Variants in IRAK1BP1 observed in about 807,000 individuals in gnomAD.
IRAK1BP1 encodes the protein interleukin-1 receptor-associated kinase 1-binding protein 1.
IRAK1BP1 carries 24 observed loss-of-function variants against 28.0 expected under a neutral mutation model. The ratio of observed to expected loss-of-function variants is 0.86; its 90% CI spans 0.62 to 1.20. The LOEUF (loss-of-function observed/expected upper bound fraction) is 1.20, where lower values mean the gene tolerates loss of function less well. IRAK1BP1 is among the 50% of genes most tolerant of loss of function. The pLI, the probability that IRAK1BP1 is intolerant of heterozygous loss-of-function variation, is 0.00. For synonymous variants in IRAK1BP1, 131 were observed against 116.3 expected (o/e 1.13, Z -0.81); for missense variants, 336 against 316.7 (o/e 1.06, Z -0.46).
chr6:78,885,263 C>A (rs1771376399), intron 1 of IRAK1BP1, 115 bp from the exon 2 acceptor site: 2 of 606,860 alleles, frequency 3.3e-6, no homozygotes, highest in East Asian at 3.1e-5. Flanking sequence ...AGGCAAAGTT[C>A]TTTTTGCATA....
At chr6:78,963,233 T>C in the IRAK1BP1 span, 7 of 1,604,412 alleles carry the variant, frequency 4.4e-6, no homozygotes, top group African/African-American at 1.3e-5. Context: ...CACTGGTACC[T>C]AGTTCTTCAG....
rs948225705 is a variant in IRAK1BP1, at chr6:78,899,688, C to G, written c.*1354C>G. 6.6e-6 allele frequency: 1 copy of G among 152,172 alleles called. No individual in the cohort carries two copies. Among genetic ancestry groups the G allele is most frequent in the Admixed American group, 6.6e-5 (1 of 15,264 alleles). 9.4% of individuals were successfully genotyped at this position (152,172 alleles called of 1,614,324 possible). On this transcript the variant is annotated 3_prime_UTR_variant, in exon 4 of 4. Coordinates refer to ENST00000369940, the MANE Select transcript of IRAK1BP1 (RefSeq NM_001010844.4). ...TGCCTCCTGAATTTAAGCGATTCTC[C>G]TGCCTCAGCCTCCCAAGTAGCTGGG...
At chr6:78,936,227 G>GTA (rs1773267837) in intron 4 of IRAK1BP1, 1 of 151,904 alleles carries the variant, frequency 6.6e-6, no homozygotes, top group Non-Finnish European at 1.5e-5. Context: ...TACAAAATAA[G>GTA]CATAATCTTA....
chr6:78,895,606 A>G (rs576629052), intron 2 of IRAK1BP1, among the ~76,000 whole-genome samples: 1 of 152,346 alleles, frequency 6.6e-6, no homozygotes, highest in East Asian at 1.9e-4. Context: ...AAATTGGTCA[A>G]TCTAATTCAC....
chr6:78,922,313 A>G (rs1025558232), intron 4 of IRAK1BP1, among the ~76,000 whole-genome samples: 3 of 152,234 alleles, frequency 2.0e-5, no homozygotes, highest in Non-Finnish European at 4.4e-5. Flanking sequence ...GAACTGGAAG[A>G]AAGGGTATCA....
chr6:78,970,268 T>A, the IRAK1BP1 span: 3 of 1,040,478 alleles, frequency 2.9e-6, no homozygotes, highest in Non-Finnish European at 4.3e-6. Context: ...TTGGTTTAAA[T>A]CTTGATCTGG....
At chr6:78,907,272 A>G (rs1772285263), downstream of IRAK1BP1, among the ~76,000 whole-genome samples, 1 of 152,242 alleles carries the variant, frequency 6.6e-6, no homozygotes, top group Non-Finnish European at 1.5e-5. Flanking sequence ...ATTGGATTGA[A>G]AACTAATTAG....
the IRAK1BP1 span, among the ~76,000 whole-genome samples, chr6:78,961,505 T>TA: frequency 3.3e-5 from 5 of 152,102 alleles, no homozygotes; most frequent in African/African-American, 1.2e-4. Flanking sequence ...TGGGACTTGT[T>TA]AGAAATGCAG....
chr6:78,954,202 C>T, the IRAK1BP1 span, among the ~76,000 whole-genome samples: 8 of 151,928 alleles, frequency 5.3e-5, no homozygotes, highest in African/African-American at 1.5e-4. Flanking sequence ...CCCGGGTTCA[C>T]GCCATTCTCC....
At chr6:78,978,932 C>T in the IRAK1BP1 span, among the ~76,000 whole-genome samples, 1 of 152,228 alleles carries the variant, frequency 6.6e-6, no homozygotes. Flanking sequence ...AAAGTTCCAA[C>T]AGGCAAAACT....
Position 78,894,783 on chromosome 6 carries a change from C to T in IRAK1BP1, c.382-3046C>T, listed in dbSNP as rs1266185321. 2.0e-5 allele frequency among the ~76,000 whole-genome samples: 3 copies of T among 152,092 alleles called. No homozygotes were observed. The East Asian group carries it at 5.8e-4, about 29-fold the overall frequency. ...ACATTCCTTTCAAGTGCACATTGAA[C>T]ATTTGCCAAGGTAGACCATATTCTG... On this transcript the variant is annotated intron_variant, in intron 2 of 3. Coordinates refer to ENST00000369940, the MANE Select transcript of IRAK1BP1 (RefSeq NM_001010844.4).
At chr6:78,922,426 A>G (rs567299462) in intron 4 of IRAK1BP1, among the ~76,000 whole-genome samples, 312 of 152,368 alleles carry the variant, frequency 2.0e-3, no homozygotes, top group Non-Finnish European at 3.6e-3. Flanking sequence ...GACTATGTGA[A>G]AAGACCAAAT....
At chr6:78,933,068 T>C (rs1452614047) in intron 4 of IRAK1BP1, among the ~76,000 whole-genome samples, 1 of 152,076 alleles carries the variant, frequency 6.6e-6, no homozygotes, top group African/African-American at 2.4e-5. Flanking sequence ...ATTTTTGGAA[T>C]GGTAAAGAAG....
At chr6:78,907,423 G>T (rs907523470), downstream of IRAK1BP1, among the ~76,000 whole-genome samples, 9 of 152,030 alleles carry the variant, frequency 5.9e-5, 1 homozygote, top group Non-Finnish European at 1.5e-5. Flanking sequence ...TTACATTTGT[G>T]TGTCCAGATA....
chr6:78,918,693 C>T (rs988583233), intron 4 of IRAK1BP1, among the ~76,000 whole-genome samples: 6 of 151,528 alleles, frequency 4.0e-5, no homozygotes, highest in Non-Finnish European at 5.9e-5. Flanking sequence ...TTGCAGAACC[C>T]AGATTCATAA....
chr6:78,879,955 G>A (rs1261713764), intron 1 of IRAK1BP1, among the ~76,000 whole-genome samples: 1 of 152,180 alleles, frequency 6.6e-6, no homozygotes, highest in Admixed American at 6.5e-5. Context: ...AAATGGGGAA[G>A]GTATTCCCAT....
At chr6:78,971,939 C>T in the IRAK1BP1 span, among the ~76,000 whole-genome samples, 22 of 152,250 alleles carry the variant, frequency 1.4e-4, no homozygotes, top group African/African-American at 4.1e-4. Flanking sequence ...AAGGCGGCAG[C>T]GAGGCTGGGG....
chr6:78,927,470 C>T (rs903230484), intron 4 of IRAK1BP1, among the ~76,000 whole-genome samples: 3 of 152,168 alleles, frequency 2.0e-5, no homozygotes, highest in Non-Finnish European at 1.5e-5. Context: ...CAAATATGTT[C>T]TCCCATTCTG....
At position 78,900,144 on chromosome 6, in the gene IRAK1BP1, A is replaced by T. The variant is rs1582025921; in HGVS notation, c.*1810A>T. 1 of 152,246 alleles carries T rather than the reference A, an allele frequency of 6.6e-6. No homozygotes were observed. The highest frequency in any genetic ancestry group is 2.1e-4 in the South Asian group (1 of 4,832). The allele number at this position is 152,246 out of a possible 1,614,324, so 9.4% of individuals were successfully genotyped here. A position where few individuals can be genotyped will look rare whatever the true frequency, so the allele number is the denominator to read the frequency against. On this transcript the variant is annotated 3_prime_UTR_variant, in exon 4 of 4. Transcript: ENST00000369940. ...GCCATATTTCAAGTACTTGAAGGCC[A>T]CAAATGGCTTGAGACTACCTTGCTG...
Sources: gnomAD v4.1 joint callset for allele counts (sites outside exome capture counted in the v4.1 genomes callset) on GRCh38, gnomAD v4.1.1 for gene constraint, MANE v1.5 for transcripts, NCBI Gene and HGNC (gene_info 2026-07-23, HGNC 2026-07-21) for gene names.